Variants in UBR3 observed in about 807,000 individuals in gnomAD.
The protein encoded by UBR3 is ubiquitin protein ligase E3 component n-recognin 3, also known as E3 ubiquitin-protein ligase UBR3.
In UBR3, 85 loss-of-function variants were observed where a neutral mutation model predicts 243.2. The ratio of observed to expected loss-of-function variants is 0.35; its 90% CI spans 0.29 to 0.42. The LOEUF (loss-of-function observed/expected upper bound fraction) is 0.42, where lower values mean the gene tolerates loss of function less well. Ranked by LOEUF, UBR3 falls within the 10% of genes least tolerant of loss-of-function variation. The probability of loss-of-function intolerance (pLI) is 1.00; values close to 1 mark genes in which losing one functional copy is unlikely to be tolerated. For synonymous variants in UBR3, 748 were observed against 799.8 expected (o/e 0.94, Z 1.09); for missense variants, 1,686 against 2,300.8 (o/e 0.73, Z 5.47).
At chr2:170,037,360 TTAGAACATTTTC>T (rs1432966852) in intron 31 of UBR3, among the ~76,000 whole-genome samples, 2 of 152,136 alleles carry the variant, frequency 1.3e-5, no homozygotes, top group Non-Finnish European at 2.9e-5. Flanking sequence ...CAGAAGGTTT[TTAGAACATTTTC>T]TAAGCCCTTC....
intron 29 of UBR3, chr2:170,014,816 T>TA: frequency 6.5e-6 from 1 of 153,104 alleles, no homozygotes; most frequent in East Asian, 1.9e-4. Flanking sequence ...GATTTCCAGA[T>TA]ACCATCTAAC....
intron 36 of UBR3, among the ~76,000 whole-genome samples, chr2:170,076,187 C>T (rs2091805898): frequency 1.3e-5 from 2 of 152,006 alleles, no homozygotes. Flanking sequence ...TGGGGACAGC[C>T]CCATCAGAAC....
At chr2:170,057,329 G>C (rs929244353) in intron 33 of UBR3, among the ~76,000 whole-genome samples, 13 of 152,042 alleles carry the variant, frequency 8.6e-5, no homozygotes, top group Non-Finnish European at 1.3e-4. Flanking sequence ...TGTTGCCCAG[G>C]CTGGTCTTGA....
At chr2:169,856,433 C>T (rs1331159228) in intron 1 of UBR3, among the ~76,000 whole-genome samples, 4 of 152,146 alleles carry the variant, frequency 2.6e-5, no homozygotes, top group South Asian at 4.1e-4. Context: ...GACGGGGTGG[C>T]GGCCGGGCAG....
rs574464280 is a variant in UBR3 at position 169,888,428 on chromosome 2, C to T, written c.1039-2737C>T. ...TGCTGGGATTACAGGCGTGAGCCAC[C>T]GCGCCTCGTCCTGTATTATGACTTT... On this transcript the variant is annotated intron_variant, in intron 5 of 38. Coordinates refer to ENST00000272793, the MANE Select transcript of UBR3 (RefSeq NM_172070.4). Among the ~76,000 whole-genome samples, 12 of 152,182 alleles carry T rather than the reference C, an allele frequency of 7.9e-5. No individual in the cohort carries two copies. The South Asian group carries it at 1.2e-3, about 16-fold the overall frequency.
intron 1 of UBR3, among the ~76,000 whole-genome samples, chr2:169,831,637 A>C (rs1401925432): frequency 2.6e-5 from 4 of 152,116 alleles, no homozygotes; most frequent in Non-Finnish European, 5.9e-5. Flanking sequence ...TTCCTGGGCT[A>C]TACAGCTAAT....
Position 169,924,191 on chromosome 2 carries a change from T to C in UBR3, c.2022+18T>C. On this transcript the variant is annotated intron_variant, in intron 13 of 38. Transcript: ENST00000272793. The stretch of plus-strand genomic sequence containing the variant: ...AAATTCAAGTATGTATTCAGGCATT[T>C]AAAAAGTTTTGAAGTGGATTCCTTG... 6.6e-7 allele frequency: 1 copy of C among 1,518,500 alleles called. No homozygotes were observed. Among genetic ancestry groups the C allele is most frequent in the Non-Finnish European group, 8.8e-7 (1 of 1,132,566 alleles). The allele number at this position is 1,518,500 out of a possible 1,614,324, so 94.1% of individuals were successfully genotyped here.
chr2:169,940,686 C>T (rs995470934), intron 19 of UBR3, among the ~76,000 whole-genome samples: 2 of 152,092 alleles, frequency 1.3e-5, no homozygotes, highest in Non-Finnish European at 2.9e-5. Flanking sequence ...ATATCCTTTA[C>T]TATGGTTGTA....
At chr2:169,889,598 C>T (rs971695790) in intron 5 of UBR3, among the ~76,000 whole-genome samples, 27 of 152,248 alleles carry the variant, frequency 1.8e-4, no homozygotes, top group African/African-American at 5.5e-4. Flanking sequence ...AAGCTAAGAG[C>T]GGCAGAGAGG....
chr2:169,955,056 A>G (rs1574278844), intron 23 of UBR3, among the ~76,000 whole-genome samples: 1 of 152,042 alleles, frequency 6.6e-6, no homozygotes, highest in Admixed American at 6.6e-5. Flanking sequence ...TTTTCCCTTT[A>G]TGTTTTGACT....
At chr2:169,993,687 G>A (rs2089375606) in intron 25 of UBR3, among the ~76,000 whole-genome samples, 1 of 152,080 alleles carries the variant, frequency 6.6e-6, no homozygotes, top group African/African-American at 2.4e-5. Flanking sequence ...TGATCCCTTG[G>A]GTAAGGTAGT....
At chr2:170,033,119 G>A (rs2090723955) in intron 31 of UBR3, among the ~76,000 whole-genome samples, 1 of 151,962 alleles carries the variant, frequency 6.6e-6, no homozygotes, top group African/African-American at 2.4e-5. Context: ...TCTAAAAGGT[G>A]TTCAGCAAAC....
At chr2:169,889,908 ATTTAT>A (rs1347297684) in intron 5 of UBR3, among the ~76,000 whole-genome samples, 1 of 152,204 alleles carries the variant, frequency 6.6e-6, no homozygotes, top group Non-Finnish European at 1.5e-5. Flanking sequence ...GTATCTTGGA[ATTTAT>A]ACTACAGTTC....
At chr2:170,081,703 C>CTT in intron 38 of UBR3, 23 bp from the exon 39 acceptor site, 2 of 1,498,542 alleles carry the variant, frequency 1.3e-6, no homozygotes, top group Non-Finnish European at 1.8e-6. Context: ...GATATTAATA[C>CTT]TTTTTTTTTC....
chr2:169,906,679 G>C (rs990574712), intron 10 of UBR3, among the ~76,000 whole-genome samples: 1 of 152,112 alleles, frequency 6.6e-6, no homozygotes, highest in African/African-American at 2.4e-5. Flanking sequence ...TAGACACCAT[G>C]CAGTTCCAGC....
In UBR3 at chr2:169,894,322, GAA is replaced by G. The variant is rs59525862; in HGVS notation, c.1106-833_1106-832del. Among the ~76,000 whole-genome samples, 551 of 78,246 alleles carry G rather than the reference GAA, an allele frequency of 7.0e-3. 1 individual carries two copies. Among genetic ancestry groups the G allele is most frequent in the African/African-American group, 0.021 (365 of 17,596 alleles). 51.3% of individuals were successfully genotyped at this position (78,246 alleles called of 152,430 possible). The stretch of plus-strand genomic sequence containing the variant: ...TCCAGAGTGAGACCCTGACTCTTAA[GAA>G]AAAAAAAAAAAAAAAAAAAAAAAAA... On this transcript the variant is annotated intron_variant, in intron 6 of 38. Transcript: ENST00000272793.
chr2:169,982,555 A>AT (rs778684862), intron 24 of UBR3, among the ~76,000 whole-genome samples: 32 of 152,234 alleles, frequency 2.1e-4, no homozygotes, highest in Non-Finnish European at 3.2e-4. Flanking sequence ...TTTCACTCTG[A>AT]TGATGTTAAA....
At chr2:169,947,951 A>G (rs1428618386) in intron 22 of UBR3, 1 of 985,100 alleles carries the variant, frequency 1.0e-6, no homozygotes, top group East Asian at 1.1e-4. Context: ...GATGTGTATG[A>G]TATTTTCATT....
chr2:169,875,318 C>A (rs1168511684), intron 2 of UBR3, among the ~76,000 whole-genome samples: 1 of 152,032 alleles, frequency 6.6e-6, no homozygotes, highest in African/African-American at 2.4e-5. Flanking sequence ...GCCCACAGAT[C>A]AAATGCTGCT....
Sources: allele counts gnomAD v4.1 joint callset (sites outside exome capture counted in the v4.1 genomes callset), GRCh38; gene constraint gnomAD v4.1.1; transcripts MANE v1.5; gene names NCBI Gene and HGNC (gene_info 2026-07-23, HGNC 2026-07-21).